LRRTM4: variants seen among roughly 807,000 people sequenced by gnomAD.
LRRTM4 encodes the protein leucine-rich repeat transmembrane neuronal protein 4.
LRRTM4 carries 25 observed loss-of-function variants against 47.6 expected under a neutral mutation model. That is an observed-to-expected ratio of 0.53 (90% CI 0.38 to 0.73). The LOEUF (loss-of-function observed/expected upper bound fraction) is 0.73. Ranked by LOEUF, LRRTM4 falls within the 30% of genes least tolerant of loss-of-function variation. LRRTM4 has a pLI of 0.00. For missense variants in LRRTM4, 638 were observed against 713.4 expected (o/e 0.89, Z 1.20); for synonymous variants, 311 against 269.5 (o/e 1.15, Z -1.51).
At chr2:76,917,193 A>C (rs1434195275) in intron 3 of LRRTM4, among the ~76,000 whole-genome samples, 1 of 152,226 alleles carries the variant, frequency 6.6e-6, no homozygotes, top group Non-Finnish European at 1.5e-5. Flanking sequence ...TGATATGCAA[A>C]TGAATAAACA....
intron 3 of LRRTM4, among the ~76,000 whole-genome samples, chr2:77,303,293 T>A (rs1677182135): frequency 6.6e-6 from 1 of 152,074 alleles, no homozygotes. Flanking sequence ...AAAAATGGTG[T>A]CCTTTCTTGT....
intron 3 of LRRTM4, among the ~76,000 whole-genome samples, chr2:76,959,541 C>T (rs1309202133): frequency 6.6e-6 from 1 of 151,536 alleles, no homozygotes; most frequent in Non-Finnish European, 1.5e-5. Flanking sequence ...AAAGCTAGGA[C>T]AAACAGGCAT....
chr2:76,838,569 C>T (rs1473552683), intron 3 of LRRTM4, among the ~76,000 whole-genome samples: 3 of 152,036 alleles, frequency 2.0e-5, no homozygotes, highest in Non-Finnish European at 4.4e-5. Flanking sequence ...GTTCCCCCAT[C>T]CCACCTCTAT....
intron 3 of LRRTM4, among the ~76,000 whole-genome samples, chr2:76,813,138 T>C (rs1670794738): frequency 6.6e-6 from 1 of 152,092 alleles, no homozygotes; most frequent in South Asian, 2.1e-4. Context: ...CACTCTACCC[T>C]GGGCAACAAG....
At chr2:77,463,911 G>A (rs552900553) in intron 3 of LRRTM4, among the ~76,000 whole-genome samples, 2 of 152,242 alleles carry the variant, frequency 1.3e-5, no homozygotes, top group East Asian at 3.9e-4. Flanking sequence ...TCTTTCCACA[G>A]TTACTAGTAA....
chr2:76,908,995 T>G (rs937049202), intron 3 of LRRTM4, among the ~76,000 whole-genome samples: 8 of 152,102 alleles, frequency 5.3e-5, no homozygotes, highest in African/African-American at 1.9e-4. Flanking sequence ...AAAAACTACT[T>G]TAAAGTTCAC....
chr2:77,152,209 G>T (rs910273079), intron 3 of LRRTM4, among the ~76,000 whole-genome samples: 1 of 152,196 alleles, frequency 6.6e-6, no homozygotes, highest in Non-Finnish European at 1.5e-5. Context: ...ATTGTGTGGG[G>T]CCTGCCATTT....
At chr2:76,842,636 G>A (rs1671717131) in intron 3 of LRRTM4, among the ~76,000 whole-genome samples, 2 of 152,144 alleles carry the variant, frequency 1.3e-5, no homozygotes, top group South Asian at 2.1e-4. Flanking sequence ...GTTGAATACT[G>A]CACTGAAAGT....
intron 3 of LRRTM4, among the ~76,000 whole-genome samples, chr2:76,967,225 G>C (rs972104284): frequency 1.3e-5 from 2 of 149,566 alleles, no homozygotes; most frequent in Admixed American, 1.3e-4. Flanking sequence ...GAGTACTTGT[G>C]GATTTATTCC....
intron 3 of LRRTM4, among the ~76,000 whole-genome samples, chr2:77,306,993 G>A (rs1351139111): frequency 3.5e-5 from 5 of 142,610 alleles, no homozygotes; most frequent in Admixed American, 1.5e-4. Flanking sequence ...TCCGCCTCCC[G>A]GGTTCACACC....
rs368829116 is a variant in LRRTM4 at position 76,958,167 on chromosome 2, G to C, written c.1552-209251C>G. ...CTTAGTTTGACATCAAATATTTATAGAATAGCTAACCTCTTGCACTCAGTG... is the reference window on the plus strand; with the variant it reads ...CTTAGTTTGACATCAAATATTTATACAATAGCTAACCTCTTGCACTCAGTG... On this transcript the variant is annotated intron_variant, in intron 3 of 3. Coordinates refer to ENST00000409884, the MANE Select transcript of LRRTM4 (RefSeq NM_001134745.3). Among the ~76,000 whole-genome samples, 4 of 151,712 alleles carry C rather than the reference G, an allele frequency of 2.6e-5. 1 individual carries two copies. The highest frequency in any genetic ancestry group is 3.9e-4 in the East Asian group (2 of 5,128).
chr2:77,345,865 C>A (rs1671542083), intron 3 of LRRTM4, among the ~76,000 whole-genome samples: 1 of 151,446 alleles, frequency 6.6e-6, no homozygotes, highest in African/African-American at 2.4e-5. Flanking sequence ...CAGACACACA[C>A]ATATTCAAAG....
chr2:76,840,055 C>G (rs1335090307), intron 3 of LRRTM4, among the ~76,000 whole-genome samples: 2 of 152,068 alleles, frequency 1.3e-5, no homozygotes, highest in Non-Finnish European at 2.9e-5. Context: ...CAAGAAAAGC[C>G]TCCTTTAGCT....
intron 3 of LRRTM4, among the ~76,000 whole-genome samples, chr2:77,501,115 T>C (rs1678556354): frequency 6.6e-6 from 1 of 150,580 alleles, no homozygotes; most frequent in African/African-American, 2.4e-5. Context: ...CTTACCAATG[T>C]AATTATATAT....
At chr2:76,988,975 A>G (rs1464845547) in intron 3 of LRRTM4, among the ~76,000 whole-genome samples, 2 of 151,894 alleles carry the variant, frequency 1.3e-5, no homozygotes, top group African/African-American at 2.4e-5. Context: ...CAGTTCAGGT[A>G]TTATCAATTA....
chr2:76,762,686 G>A (rs1673301052), intron 3 of LRRTM4, among the ~76,000 whole-genome samples: 1 of 152,170 alleles, frequency 6.6e-6, no homozygotes, highest in Non-Finnish European at 1.5e-5. Context: ...TAGGACAGGT[G>A]TGGTGACTCA....
chr2:76,928,975 T>C (rs994054497), intron 3 of LRRTM4, among the ~76,000 whole-genome samples: 1 of 152,052 alleles, frequency 6.6e-6, no homozygotes, highest in Non-Finnish European at 1.5e-5. Flanking sequence ...ACTTTCAGAG[T>C]GACTTAGATA....
intron 3 of LRRTM4, among the ~76,000 whole-genome samples, chr2:76,840,969 T>TGC (rs1187360526): frequency 2.0e-5 from 3 of 151,652 alleles, no homozygotes; most frequent in Admixed American, 2.0e-4. Context: ...TAAAGACACA[T>TGC]GCACACGTAT....
At chr2:77,215,240 A>T (rs1441854147) in intron 3 of LRRTM4, among the ~76,000 whole-genome samples, 1 of 152,218 alleles carries the variant, frequency 6.6e-6, no homozygotes, top group East Asian at 1.9e-4. Flanking sequence ...GAAAAGAGGA[A>T]GGAAAGAAAA....
Sources: allele counts gnomAD v4.1 joint callset (sites outside exome capture counted in the v4.1 genomes callset), GRCh38; gene constraint gnomAD v4.1.1; transcripts MANE v1.5; gene names NCBI Gene and HGNC (gene_info 2026-07-23, HGNC 2026-07-21).